The following C9orf153 variants were observed in gnomAD, a reference collection of about 807,000 sequenced individuals.
The protein encoded by C9orf153 is uncharacterized protein C9orf153.
In C9orf153, 10 loss-of-function variants were observed where a neutral mutation model predicts 9.0. The observed-to-expected ratio is 1.11, with a 90% confidence interval of 0.69 to 1.89. The LOEUF (loss-of-function observed/expected upper bound fraction) is 1.89. Ranked by LOEUF, C9orf153 falls within the 40% of genes most tolerant of loss-of-function variation. The pLI, the probability that C9orf153 is intolerant of heterozygous loss-of-function variation, is 0.00. For synonymous variants in C9orf153, 35 were observed against 37.3 expected (o/e 0.94, Z 0.23); for missense variants, 108 against 111.0 (o/e 0.97, Z 0.12).
At chr9:86,246,927 G>A (rs1000986862) in intron 1 of C9orf153, among the ~76,000 whole-genome samples, 2 of 152,226 alleles carry the variant, frequency 1.3e-5, no homozygotes, top group Non-Finnish European at 2.9e-5. Flanking sequence ...GAAAGGGAAA[G>A]CAATGTTTCC....
chr9:86,229,786 G>C (rs1563998221), intron 1 of C9orf153, among the ~76,000 whole-genome samples, 157 bp from the exon 2 acceptor site: 1 of 152,138 alleles, frequency 6.6e-6, no homozygotes, highest in Admixed American at 6.5e-5. Flanking sequence ...TTGCTCTAAA[G>C]AAATATCTGA....
At chr9:86,251,565 C>T (rs1242354186) in intron 1 of C9orf153, among the ~76,000 whole-genome samples, 3 of 151,678 alleles carry the variant, frequency 2.0e-5, no homozygotes, top group Non-Finnish European at 4.4e-5. Flanking sequence ...AATTATACAA[C>T]ATCATGAGAA....
rs1824205153 is a variant in C9orf153 at position 86,221,616 on chromosome 9, A to G, written c.*72T>C. On this transcript the variant is annotated 3_prime_UTR_variant, in exon 4 of 4. Transcript: ENST00000339137. ...GTCAGGCATGTCCTGGCTCTCTACAAATCTCTTCTCAGTGTTGTATTTTAT... is the reference window on the plus strand; with the variant it reads ...GTCAGGCATGTCCTGGCTCTCTACAGATCTCTTCTCAGTGTTGTATTTTAT... 4 of 1,518,332 alleles carry G rather than the reference A, an allele frequency of 2.6e-6. No homozygotes were observed. Among genetic ancestry groups the G allele is most frequent in the South Asian group, 2.5e-5 (2 of 78,866 alleles). The allele number at this position is 1,518,332 out of a possible 1,614,324, so 94.1% of individuals were successfully genotyped here. A position where few individuals can be genotyped will look rare whatever the true frequency, so the allele number is the denominator to read the frequency against.
intron 1 of C9orf153, among the ~76,000 whole-genome samples, chr9:86,244,184 T>A (rs1824814532): frequency 6.6e-6 from 1 of 152,240 alleles, no homozygotes; most frequent in Non-Finnish European, 1.5e-5. Flanking sequence ...TACATTGAGT[T>A]AAATAAAATA....
chr9:86,241,327 T>G (rs1461332435), intron 1 of C9orf153, among the ~76,000 whole-genome samples: 1 of 149,144 alleles, frequency 6.7e-6, no homozygotes, highest in Non-Finnish European at 1.5e-5. Flanking sequence ...ATGTTCCAGG[T>G]CCTGCCCGGA....
chr9:86,226,689 G>A (rs1337721603), intron 3 of C9orf153, among the ~76,000 whole-genome samples: 2 of 152,036 alleles, frequency 1.3e-5, no homozygotes, highest in African/African-American at 4.8e-5. Context: ...TATATAAGAT[G>A]GAGACTTAAA....
chr9:86,254,333 T>A (rs1002506991), intron 1 of C9orf153, among the ~76,000 whole-genome samples: 1 of 152,234 alleles, frequency 6.6e-6, no homozygotes, highest in African/African-American at 2.4e-5. Context: ...TTTTCAGATT[T>A]GCATCTCATT....
In C9orf153 at chr9:86,242,705, G is replaced by T. The variant is rs140290006; in HGVS notation, c.-26-13076C>A. ...ACGCACGCCACTTTTTTTAGATGGA[G>T]TCTCACTCTGTCGCCCAGGCTGGAT... is the stretch of plus-strand genomic sequence containing the variant. On this transcript the variant is annotated intron_variant, in intron 1 of 3. Coordinates refer to ENST00000339137, the MANE Select transcript of C9orf153 (RefSeq NM_001276366.4). 5.7e-3 allele frequency among the ~76,000 whole-genome samples: 869 copies of T among 152,300 alleles called. 7 individuals carry two copies. Among genetic ancestry groups the T allele is most frequent in the Middle Eastern group, 0.031 (9 of 294 alleles).
intron 1 of C9orf153, among the ~76,000 whole-genome samples, chr9:86,247,150 C>T (rs76913683): frequency 0.016 from 2,444 of 152,290 alleles, 71 homozygotes; most frequent in African/African-American, 0.055. Context: ...AGTCAGGGAA[C>T]GGGCACTGCT....
intron 3 of C9orf153, 61 bp downstream of exon 3, chr9:86,227,794 T>C (rs563955181): frequency 6.5e-7 from 1 of 1,538,744 alleles, no homozygotes; most frequent in South Asian, 1.3e-5. Context: ...AGCTTGCCAG[T>C]AAGCTGCGGT....
chr9:86,226,112 G>A (rs1338214392), intron 3 of C9orf153, among the ~76,000 whole-genome samples: 2 of 152,074 alleles, frequency 1.3e-5, no homozygotes, highest in African/African-American at 2.4e-5. Flanking sequence ...TGTACTTTGC[G>A]AATTATCTAG....
intron 1 of C9orf153, among the ~76,000 whole-genome samples, chr9:86,242,383 A>C (rs1315337298): frequency 1.3e-5 from 2 of 151,810 alleles, no homozygotes; most frequent in Admixed American, 1.3e-4. Flanking sequence ...CTGCCGCAAG[A>C]CTTTCTTTGT....
intron 1 of C9orf153, among the ~76,000 whole-genome samples, chr9:86,253,810 G>A (rs897794237): frequency 6.6e-6 from 1 of 152,148 alleles, no homozygotes; most frequent in Non-Finnish European, 1.5e-5. Context: ...ACTACAATTT[G>A]GCTGGGCGTG....
At chr9:86,230,748 T>C (rs1294584432) in intron 1 of C9orf153, among the ~76,000 whole-genome samples, 1 of 152,228 alleles carries the variant, frequency 6.6e-6, no homozygotes, top group African/African-American at 2.4e-5. Context: ...ACAATAAATA[T>C]TTTGAAAATA....
In C9orf153 at chr9:86,238,554, T is replaced by A. The variant is rs548255469; in HGVS notation, c.-26-8925A>T. Among the ~76,000 whole-genome samples, 4 of 152,360 alleles carry A rather than the reference T, an allele frequency of 2.6e-5. No homozygotes were observed. The South Asian group carries it at 8.3e-4, about 32-fold the overall frequency. On this transcript the variant is annotated intron_variant, in intron 1 of 3. Transcript: ENST00000339137. ...TACATCTATAGTGAAGGCTTATATA[T>A]TCATTTTAAAATAGAGAACGACATA...
At chr9:86,239,237 G>A (rs541961342) in intron 1 of C9orf153, among the ~76,000 whole-genome samples, 1 of 151,018 alleles carries the variant, frequency 6.6e-6, no homozygotes, top group African/African-American at 2.4e-5. Flanking sequence ...CTCCAGCCTG[G>A]CGACAGAGTG....
intron 1 of C9orf153, among the ~76,000 whole-genome samples, chr9:86,255,075 A>G (rs1028489577): frequency 4.6e-5 from 7 of 151,752 alleles, no homozygotes; most frequent in South Asian, 2.1e-4. Context: ...AAAAAAAAAA[A>G]AGAGAGAGAA....
intron 1 of C9orf153, among the ~76,000 whole-genome samples, chr9:86,237,161 C>A (rs910461236): frequency 1.3e-5 from 2 of 151,148 alleles, no homozygotes; most frequent in African/African-American, 4.9e-5. Flanking sequence ...AGGGCAACCA[C>A]TAAAAAGTAA....
intron 1 of C9orf153, among the ~76,000 whole-genome samples, chr9:86,235,816 C>T (rs1219199193): frequency 7.1e-6 from 1 of 141,572 alleles, no homozygotes; most frequent in Non-Finnish European, 1.5e-5. Context: ...ACAGAATATC[C>T]AAGAATTGTG....
Sources: gnomAD v4.1 joint callset for allele counts (sites outside exome capture counted in the v4.1 genomes callset) on GRCh38, gnomAD v4.1.1 for gene constraint, MANE v1.5 for transcripts, NCBI Gene and HGNC (gene_info 2026-07-23, HGNC 2026-07-21) for gene names.